OSBP: variants seen among roughly 807,000 people sequenced by gnomAD.
The protein encoded by OSBP is oxysterol binding protein.
A neutral mutation model predicts 96.6 loss-of-function variants in OSBP; 32 were observed. The ratio of observed to expected loss-of-function variants is 0.33; its 90% CI spans 0.25 to 0.45. OSBP has a LOEUF of 0.45. OSBP is among the 20% of genes least tolerant of loss of function. The pLI is 1.00. For missense variants in OSBP, 653 were observed against 1,029.7 expected, an observed-to-expected ratio of 0.63 and a Z score of 5.01; for synonymous variants, 369 against 389.6, an observed-to-expected ratio of 0.95 and a Z score of 0.62.
rs533754482 is a variant in OSBP, at chr11:59,602,253, T to G, written c.823-415A>C. ...TGACTAAACTCAAGTAACTGAAAGC[T>G]AAGGACTTCAGACACTGAGAACAGA... On this transcript the variant is annotated intron_variant, in intron 3 of 13. Coordinates refer to ENST00000263847, the MANE Select transcript of OSBP (RefSeq NM_002556.3). Among the ~76,000 whole-genome samples the G allele has an allele frequency of 7.9e-5, 12 of 152,292 alleles. No individual in the cohort carries two copies. The East Asian group carries it at 1.9e-3, about 25-fold the overall frequency.
intron 3 of OSBP, 92 bp downstream of exon 3, chr11:59,608,392 C>G: frequency 1.3e-6 from 2 of 1,496,058 alleles, no homozygotes; most frequent in Non-Finnish European, 1.9e-6. Context: ...ATGTTCTGTG[C>G]TTTATCAATT....
chr11:59,598,652 C>T (rs1308962504), intron 7 of OSBP, among the ~76,000 whole-genome samples: 5 of 152,140 alleles, frequency 3.3e-5, no homozygotes, highest in East Asian at 1.9e-4. Context: ...TATAGTGGTG[C>T]GATCTCAGCT....
In OSBP at chr11:59,575,822, G is replaced by A. The variant is rs888157915; in HGVS notation, c.*755C>T. 6.6e-6 allele frequency: 1 copy of A among 152,186 alleles called. No individual in the cohort carries two copies. Among genetic ancestry groups the A allele is most frequent in the Non-Finnish European group, 1.5e-5 (1 of 68,052 alleles). The allele number at this position is 152,186 out of a possible 1,614,324, so 9.4% of individuals were successfully genotyped here. A position where few individuals can be genotyped will look rare whatever the true frequency, so the allele number is the denominator to read the frequency against. ...GTGTTCTCAGAAGCTCTCCGCCTGA[G>A]GAAGTCCATAAAACCCCTTTGTGAG... is the stretch of plus-strand genomic sequence containing the variant. On this transcript the variant is annotated 3_prime_UTR_variant, in exon 14 of 14. Coordinates refer to ENST00000263847, the MANE Select transcript of OSBP (RefSeq NM_002556.3).
chr11:59,592,525 GCT>G (rs1236872217), intron 9 of OSBP, among the ~76,000 whole-genome samples: 2 of 152,196 alleles, frequency 1.3e-5, no homozygotes, highest in Non-Finnish European at 2.9e-5. Flanking sequence ...GTTATGGTAA[GCT>G]CTGTCTCTTG....
At chr11:59,601,063 A>AT (rs1301517077) in intron 5 of OSBP, among the ~76,000 whole-genome samples, 190 bp from the exon 6 acceptor site, 1 of 132,050 alleles carries the variant, frequency 7.6e-6, no homozygotes, top group Non-Finnish European at 1.6e-5. Context: ...AAAAGCTGAC[A>AT]TTTTTTCACT....
rs1279854890 is a variant in OSBP at position 59,575,467 on chromosome 11, A to G, written c.*1110T>C. 1 of 152,602 alleles carries G rather than the reference A, an allele frequency of 6.6e-6. No individual in the cohort carries two copies. The highest frequency in any genetic ancestry group is 1.5e-5 in the Non-Finnish European group (1 of 68,048). 9.5% of individuals were successfully genotyped at this position (152,602 alleles called of 1,614,324 possible). On this transcript the variant is annotated 3_prime_UTR_variant, in exon 14 of 14. Transcript: ENST00000263847. ...GAGTCTCAGGGAGACAAGGGTATCA[A>G]AAAACAAGATTCTTAATGGGAAGGA...
intron 5 of OSBP, 48 bp from the exon 6 acceptor site, chr11:59,600,921 G>T (rs759169976): frequency 1.3e-6 from 2 of 1,493,988 alleles, no homozygotes; most frequent in Admixed American, 3.3e-5. Context: ...ACCAGAACTA[G>T]AGTGTGGTCC....
intron 1 of OSBP, among the ~76,000 whole-genome samples, chr11:59,612,129 T>C (rs1860857211): frequency 6.6e-6 from 1 of 152,158 alleles, no homozygotes; most frequent in African/African-American, 2.4e-5. Flanking sequence ...ACACACCCCA[T>C]AAGATTTGGT....
chr11:59,599,990 A>G (rs1860700691), intron 7 of OSBP, among the ~76,000 whole-genome samples: 1 of 152,204 alleles, frequency 6.6e-6, no homozygotes, highest in South Asian at 2.1e-4. Context: ...AACAGTGTAG[A>G]CAGACTGGAG....
At chr11:59,600,907 A>G in intron 5 of OSBP, 34 bp from the exon 6 acceptor site, 2 of 1,581,134 alleles carry the variant, frequency 1.3e-6, no homozygotes, top group Non-Finnish European at 1.7e-6. Context: ...GAATTAGAAC[A>G]AAGACCAGAA....
Position 59,615,163 on chromosome 11 carries a change from G to A in OSBP, c.362+140C>T, listed in dbSNP as rs571024431. On this transcript the variant is annotated intron_variant, in intron 1 of 13. Coordinates refer to ENST00000263847, the MANE Select transcript of OSBP (RefSeq NM_002556.3). ...TTCGTGACAGTGGGCTCCGACCCCT[G>A]GGCTGTCAATCCGCACAGATGACGA... is the stretch of plus-strand genomic sequence containing the variant. 9.6e-5 allele frequency: 61 copies of A among 638,414 alleles called. No individual in the cohort carries two copies. In the African/African-American group the frequency reaches 1.1e-3, roughly 12 times the overall value. The allele number at this position is 638,414 out of a possible 1,614,324, so 39.5% of individuals were successfully genotyped here.
intron 3 of OSBP, among the ~76,000 whole-genome samples, chr11:59,606,226 C>T (rs145026991): frequency 1.2e-3 from 189 of 152,210 alleles, no homozygotes; most frequent in African/African-American, 4.2e-3. Flanking sequence ...GTTCGTGGAA[C>T]ACAGCTCATG....
At chr11:59,581,755 T>C (rs1240913857) in intron 9 of OSBP, among the ~76,000 whole-genome samples, 1 of 152,228 alleles carries the variant, frequency 6.6e-6, no homozygotes, top group Non-Finnish European at 1.5e-5. Flanking sequence ...CAAAAATCTA[T>C]GAATAAAACA....
At chr11:59,600,199 G>A (rs888981528) in intron 7 of OSBP, among the ~76,000 whole-genome samples, 5 of 152,108 alleles carry the variant, frequency 3.3e-5, no homozygotes, top group African/African-American at 1.2e-4. Flanking sequence ...CACACTTCTT[G>A]AAAACAGAAA....
At chr11:59,601,245 G>C in intron 5 of OSBP, 38 bp downstream of exon 5, 1 of 1,125,536 alleles carries the variant, frequency 8.9e-7, no homozygotes, top group East Asian at 2.3e-5. Flanking sequence ...TGATGGTGAA[G>C]ATATGTTTAT....
At chr11:59,588,196 GA>G (rs1266333881) in intron 9 of OSBP, among the ~76,000 whole-genome samples, 1 of 152,198 alleles carries the variant, frequency 6.6e-6, no homozygotes, top group Non-Finnish European at 1.5e-5. Flanking sequence ...AATAGAGACA[GA>G]AAGTAGAATA....
At chr11:59,586,644 T>A (rs920413730) in intron 9 of OSBP, among the ~76,000 whole-genome samples, 3 of 152,210 alleles carry the variant, frequency 2.0e-5, no homozygotes, top group Non-Finnish European at 4.4e-5. Context: ...TGATACTTAA[T>A]ACAAAGTTAC....
chr11:59,576,533 G>A lies in OSBP; in HGVS notation c.*44C>T, dbSNP rs1161228555. ...CTTCCAGCTTTCCCACACATCCTCT[G>A]TCCTCTTCTCCATTATATGCTCCTC... is the stretch of plus-strand genomic sequence containing the variant. On this transcript the variant is annotated 3_prime_UTR_variant, in exon 14 of 14. Transcript: ENST00000263847. 6.3e-7 allele frequency: 1 copy of A among 1,592,348 alleles called. No homozygotes were observed. The highest frequency in any genetic ancestry group is 8.6e-7 in the Non-Finnish European group (1 of 1,169,136).
intron 9 of OSBP, among the ~76,000 whole-genome samples, chr11:59,583,736 C>T (rs1043227841): frequency 6.7e-6 from 1 of 149,864 alleles, no homozygotes; most frequent in African/African-American, 2.5e-5. Context: ...CTCTGCCTCC[C>T]GGGTTCAAAC....
Sources: gnomAD v4.1 joint callset for allele counts (sites outside exome capture counted in the v4.1 genomes callset) on GRCh38, gnomAD v4.1.1 for gene constraint, MANE v1.5 for transcripts, NCBI Gene and HGNC (gene_info 2026-07-23, HGNC 2026-07-21) for gene names.